Variants in UROS observed in about 807,000 individuals in gnomAD.
UROS encodes the protein uroporphyrinogen III synthase, also known as uroporphyrinogen-III synthase.
Under a neutral mutation model 33.0 loss-of-function variants are expected in UROS, and 18 were observed. The ratio of observed to expected loss-of-function variants is 0.55; its 90% CI spans 0.38 to 0.81. UROS has a LOEUF of 0.81. Ranked by LOEUF, UROS falls within the 30% of genes least tolerant of loss-of-function variation. UROS has a pLI of 0.00. For missense variants in UROS, 293 were observed against 314.9 expected (o/e 0.93, Z 0.53); for synonymous variants, 114 against 121.1 (o/e 0.94, Z 0.38).
intron 9 of UROS, 23 bp from the exon 10 acceptor site, chr10:125,789,028 AG>A: frequency 1.2e-6 from 2 of 1,612,448 alleles, no homozygotes; most frequent in Non-Finnish European, 1.7e-6. Flanking sequence ...AAGAGAAAAC[AG>A]GGCTTCAGCA....
chr10:125,806,428 C>T (rs1351023261), intron 6 of UROS, among the ~76,000 whole-genome samples: 1 of 152,154 alleles, frequency 6.6e-6, no homozygotes, highest in African/African-American at 2.4e-5. Context: ...GTTCATCTGA[C>T]CCTGGCCTCC....
Position 125,788,938 on chromosome 10 carries a change from G to A in UROS, c.728C>T (p.Ala243Val), listed in dbSNP as rs1360241667. The A allele has an allele frequency of 3.1e-6, 5 of 1,610,528 alleles. No individual in the cohort carries two copies. In the Admixed American group the frequency reaches 5.0e-5, roughly 16 times the overall value. Residue 243 changes from alanine (A) to valine (V), a missense_variant, in exon 10 of 10, where the codon GCA becomes GTA. By Grantham distance (64) the Ala-to-Val change is moderately conservative. Transcript: ENST00000368797. ...CAGGGCTTGTGGCGTGGGGCTCTCT[G>A]CAGTGCAGCTTACAGGAAGGCCCTG... The part of the protein sequence containing the change: ...AAQGLPVSCT[A>V]ESPTPQALAT...
At chr10:125,790,132 C>T (rs534199407) in intron 9 of UROS, among the ~76,000 whole-genome samples, 47 of 152,294 alleles carry the variant, frequency 3.1e-4, no homozygotes, top group African/African-American at 1.1e-3. Flanking sequence ...TGAGTCAGAA[C>T]GAGGGGAGGG....
chr10:125,789,114 C>T, intron 9 of UROS, 109 bp from the exon 10 acceptor site: 1 of 1,477,876 alleles, frequency 6.8e-7, no homozygotes, highest in Non-Finnish European at 9.3e-7. Context: ...TTGGACGTTA[C>T]TGCTCATGTG....
At chr10:125,801,121 G>A (rs1412368457) in intron 6 of UROS, among the ~76,000 whole-genome samples, 1 of 152,206 alleles carries the variant, frequency 6.6e-6, no homozygotes, top group Non-Finnish European at 1.5e-5. Flanking sequence ...ATCAGTTCGA[G>A]CAGACAGTGG....
At chr10:125,792,366 A>G (rs1351973080) in intron 9 of UROS, 1 of 152,074 alleles carries the variant, frequency 6.6e-6, no homozygotes, top group African/African-American at 2.4e-5. Context: ...CCCAGCATCA[A>G]CGTTCTTTCT....
At chr10:125,799,922 T>C (rs1340781862) in intron 6 of UROS, among the ~76,000 whole-genome samples, 4 of 152,168 alleles carry the variant, frequency 2.6e-5, no homozygotes, top group Admixed American at 2.6e-4. Context: ...CCTGGGGATT[T>C]ATCTTCAGCC....
rs1935451 is a variant in UROS, at chr10:125,816,857, G to A, written c.-26-332C>T. Among the ~76,000 whole-genome samples, 136,213 of 152,280 alleles carry A rather than the reference G, an allele frequency of 0.89. 60,991 individuals carry two copies. Among genetic ancestry groups the A allele is most frequent in the Admixed American group, 0.92 (14,092 of 15,302 alleles). On this transcript the variant is annotated intron_variant, in intron 1 of 9. Coordinates refer to ENST00000368797, the MANE Select transcript of UROS (RefSeq NM_000375.3). Reference sequence around the variant, plus strand: ...GTATCAACAACAAACAGAGAAATTGGTATCTTATGTTTTAAGGAGATAAAT... The same window carrying A: ...GTATCAACAACAAACAGAGAAATTGATATCTTATGTTTTAAGGAGATAAAT...
intron 4 of UROS, among the ~76,000 whole-genome samples, chr10:125,813,546 G>A (rs1456200384): frequency 6.6e-6 from 1 of 152,090 alleles, no homozygotes; most frequent in Admixed American, 6.6e-5. Flanking sequence ...TGGCACAATC[G>A]CGGCTCATAC....
chr10:125,816,590 T>A, intron 1 of UROS, 65 bp from the exon 2 acceptor site: 1 of 1,506,006 alleles, frequency 6.6e-7, no homozygotes, highest in Non-Finnish European at 9.2e-7. Context: ...CAATTTCCGA[T>A]GGGGACGGTA....
At chr10:125,822,026 C>T (rs1474941900) in intron 1 of UROS, among the ~76,000 whole-genome samples, 1 of 152,126 alleles carries the variant, frequency 6.6e-6, no homozygotes, top group African/African-American at 2.4e-5. Context: ...CAGATGTTAC[C>T]CTGCTTAAAC....
At chr10:125,822,465 G>C (rs1854040395) in intron 1 of UROS, among the ~76,000 whole-genome samples, 1 of 152,132 alleles carries the variant, frequency 6.6e-6, no homozygotes, top group Non-Finnish European at 1.5e-5. Flanking sequence ...TGGGACTACA[G>C]GCGCGCACCA....
At chr10:125,796,034 G>T in intron 8 of UROS, 69 bp downstream of exon 8, 1 of 1,369,832 alleles carries the variant, frequency 7.3e-7, no homozygotes, top group Non-Finnish European at 1.0e-6. Flanking sequence ...CTATCAGCTC[G>T]TGCCCTTCAC....
chr10:125,796,291 C>T, intron 7 of UROS, 103 bp from the exon 8 acceptor site: 3 of 1,164,442 alleles, frequency 2.6e-6, no homozygotes, highest in Admixed American at 1.7e-5. Context: ...TACAGCACCA[C>T]CCTCCTGGAA....
intron 1 of UROS, among the ~76,000 whole-genome samples, chr10:125,822,038 G>C (rs1447525427): frequency 6.6e-6 from 1 of 152,186 alleles, no homozygotes; most frequent in Non-Finnish European, 1.5e-5. Flanking sequence ...TGCTTAAACA[G>C]AAGCAGCCTA....
chr10:125,805,128 G>A (rs1852209741), intron 6 of UROS, among the ~76,000 whole-genome samples: 1 of 152,256 alleles, frequency 6.6e-6, no homozygotes, highest in South Asian at 2.1e-4. Context: ...GGAGTGCACA[G>A]GCTCAGGATT....
intron 6 of UROS, among the ~76,000 whole-genome samples, chr10:125,800,891 T>C (rs752440958): frequency 1.4e-4 from 21 of 152,164 alleles, no homozygotes; most frequent in Non-Finnish European, 2.6e-4. Flanking sequence ...TTTCACTTAA[T>C]AAGTTCTGCC....
chr10:125,821,732 T>G (rs1004805293), intron 1 of UROS, among the ~76,000 whole-genome samples: 4 of 152,230 alleles, frequency 2.6e-5, no homozygotes, highest in African/African-American at 9.6e-5. Context: ...TCTGAGTCTT[T>G]TTTCTAATCT....
chr10:125,813,462 A>G (rs1216959649), intron 4 of UROS, among the ~76,000 whole-genome samples: 1 of 152,216 alleles, frequency 6.6e-6, no homozygotes. Flanking sequence ...CAAAAAGAAA[A>G]AATACAACTG....
Sources: gnomAD v4.1 joint callset for allele counts (sites outside exome capture counted in the v4.1 genomes callset) on GRCh38, gnomAD v4.1.1 for gene constraint, MANE v1.5 for transcripts, NCBI Gene and HGNC (gene_info 2026-07-23, HGNC 2026-07-21) for gene names.